The following CAST variants were observed in gnomAD, a reference collection of about 807,000 sequenced individuals.
The protein encoded by CAST is calpastatin.
A neutral mutation model predicts 119.6 loss-of-function variants in CAST; 76 were observed. The ratio of observed to expected loss-of-function variants is 0.64; its 90% CI spans 0.53 to 0.77. The LOEUF (loss-of-function observed/expected upper bound fraction) is 0.77. Ranked by LOEUF, CAST falls within the 30% of genes least tolerant of loss-of-function variation. CAST has a pLI of 0.00. For synonymous variants in CAST, 319 were observed against 331.6 expected, an observed-to-expected ratio of 0.96 and a Z score of 0.41; for missense variants, 953 against 946.5, an observed-to-expected ratio of 1.01 and a Z score of -0.09.
the CAST span, among the ~76,000 whole-genome samples, chr5:96,085,125 A>G: frequency 6.6e-6 from 1 of 152,206 alleles, no homozygotes; most frequent in African/African-American, 2.4e-5. Flanking sequence ...CCTGATTCTA[A>G]CACAGTCTGA....
intron 24 of CAST, among the ~76,000 whole-genome samples, chr5:96,760,557 A>G (rs1767577424): frequency 6.6e-6 from 1 of 151,936 alleles, no homozygotes; most frequent in Non-Finnish European, 1.5e-5. Context: ...ACACATGAAA[A>G]AAATGACAAA....
the CAST span, among the ~76,000 whole-genome samples, chr5:96,167,432 C>T: frequency 5.2e-3 from 798 of 152,174 alleles, 6 homozygotes; most frequent in African/African-American, 0.018. Context: ...GAGACTGGGG[C>T]CTAATAAAAA....
the CAST span, among the ~76,000 whole-genome samples, chr5:96,085,467 C>T: frequency 6.6e-6 from 1 of 152,034 alleles, no homozygotes; most frequent in Admixed American, 6.6e-5. Flanking sequence ...AATTTGTGAC[C>T]CCAAATTATA....
intron 1 of CAST, among the ~76,000 whole-genome samples, chr5:96,639,604 C>T (rs1747926612): frequency 6.6e-6 from 1 of 152,182 alleles, no homozygotes; most frequent in African/African-American, 2.4e-5. Flanking sequence ...AGCTCGTAGA[C>T]AAGTGGTGCC....
chr5:96,049,902 A>AG, the CAST span, among the ~76,000 whole-genome samples: 18 of 146,748 alleles, frequency 1.2e-4, no homozygotes, highest in South Asian at 3.9e-3. Flanking sequence ...AAAAAAAAAA[A>AG]AAAAAAAAAA....
At chr5:96,624,457 C>T (rs1298006328) in intron 1 of CAST, among the ~76,000 whole-genome samples, 1 of 152,178 alleles carries the variant, frequency 6.6e-6, no homozygotes, top group East Asian at 1.9e-4. Context: ...GGAATTATAG[C>T]AGAATTATAA....
chr5:96,378,610 T>C, the CAST span, among the ~76,000 whole-genome samples: 2 of 152,086 alleles, frequency 1.3e-5, no homozygotes, highest in African/African-American at 4.8e-5. Context: ...ATAGACAATT[T>C]CTGAAAATAG....
At position 96,630,757 on chromosome 5, in the gene CAST, G is replaced by A. The variant is rs138074543; in HGVS notation, c.61-44782G>A. ...GCCAAGATTGTGCCACTGCACTCCA[G>A]CCTGGGGGACAGAGCAAGACTCCAT... On this transcript the variant is annotated intron_variant, in intron 1 of 11. Coordinates refer to the CAST transcript ENST00000505143. 9.7e-3 allele frequency among the ~76,000 whole-genome samples: 1,479 copies of A among 152,090 alleles called. 25 individuals are homozygous for A. Among genetic ancestry groups the A allele is most frequent in the African/African-American group, 0.034 (1,404 of 41,416 alleles).
chr5:96,444,993 T>C, the CAST span, among the ~76,000 whole-genome samples: 1 of 152,184 alleles, frequency 6.6e-6, no homozygotes, highest in Non-Finnish European at 1.5e-5. Flanking sequence ...AAAACCTCAA[T>C]GCCAGAGTCT....
the CAST span, among the ~76,000 whole-genome samples, chr5:96,383,142 G>A: frequency 2.0e-5 from 3 of 151,970 alleles, no homozygotes; most frequent in Admixed American, 6.6e-5. Flanking sequence ...ACACATATAC[G>A]AGAGGTTCTG....
chr5:96,057,703 C>A, the CAST span, among the ~76,000 whole-genome samples: 1 of 152,140 alleles, frequency 6.6e-6, no homozygotes, highest in Admixed American at 6.6e-5. Context: ...AATAAAAATA[C>A]ATTTACTTTC....
chr5:96,163,140 G>A, the CAST span, among the ~76,000 whole-genome samples: 1 of 152,054 alleles, frequency 6.6e-6, no homozygotes, highest in African/African-American at 2.4e-5. Flanking sequence ...CTAGGAATTT[G>A]TCCATTTAAT....
the CAST span, among the ~76,000 whole-genome samples, chr5:96,204,593 C>A: frequency 0.021 from 3,234 of 152,106 alleles, 116 homozygotes; most frequent in African/African-American, 0.074. Flanking sequence ...TAGATGACAT[C>A]CAGGACATCC....
At chr5:96,291,307 A>G in the CAST span, among the ~76,000 whole-genome samples, 1,194 of 152,350 alleles carry the variant, frequency 7.8e-3, 9 homozygotes, top group Non-Finnish European at 0.012. Flanking sequence ...GATAGCTAAT[A>G]CACAAGCATA....
the CAST span, among the ~76,000 whole-genome samples, chr5:96,503,859 C>A: frequency 6.6e-6 from 1 of 152,110 alleles, no homozygotes; most frequent in Non-Finnish European, 1.5e-5. Context: ...TTCGTAAGAG[C>A]GCTTCACTCT....
At chr5:96,189,615 G>A in the CAST span, among the ~76,000 whole-genome samples, 4 of 152,020 alleles carry the variant, frequency 2.6e-5, no homozygotes, top group Non-Finnish European at 4.4e-5. Context: ...ACCCCTATTG[G>A]TTGAGCATTG....
At chr5:96,230,166 A>G in the CAST span, among the ~76,000 whole-genome samples, 1 of 152,148 alleles carries the variant, frequency 6.6e-6, no homozygotes, top group Non-Finnish European at 1.5e-5. Context: ...CAGTATGAGC[A>G]CAGAGACTTA....
chr5:96,506,792 C>T, the CAST span, among the ~76,000 whole-genome samples: 32 of 152,290 alleles, frequency 2.1e-4, no homozygotes, highest in Non-Finnish European at 4.1e-4. Flanking sequence ...CGTCTAAGAA[C>T]AAGGCTGGCC....
the CAST span, among the ~76,000 whole-genome samples, chr5:96,326,041 C>A: frequency 1.3e-5 from 2 of 152,186 alleles, no homozygotes; most frequent in Non-Finnish European, 2.9e-5. Context: ...CCAACTTGCT[C>A]GTTCAGTCAT....
Sources: gnomAD v4.1 joint callset for allele counts (sites outside exome capture counted in the v4.1 genomes callset) on GRCh38, gnomAD v4.1.1 for gene constraint, MANE v1.5 for transcripts, NCBI Gene and HGNC (gene_info 2026-07-23, HGNC 2026-07-21) for gene names.